The following TEK variants were observed in gnomAD, a reference collection of about 807,000 sequenced individuals.
The protein encoded by TEK is angiopoietin-1 receptor.
A neutral mutation model predicts 131.8 loss-of-function variants in TEK; 43 were observed. The observed-to-expected ratio is 0.33, with a 90% CI of 0.26 to 0.42. The LOEUF is 0.42. TEK is among the 10% of genes least tolerant of loss of function. TEK has a pLI of 1.00. For synonymous variants in TEK, 580 were observed against 491.6 expected (o/e 1.18, Z -2.38); for missense variants, 1,162 against 1,384.4 (o/e 0.84, Z 2.55).
At chr9:27,133,056 G>T (rs1279525757) in intron 1 of TEK, among the ~76,000 whole-genome samples, 1 of 152,186 alleles carries the variant, frequency 6.6e-6, no homozygotes, top group African/African-American at 2.4e-5. Context: ...GAGATCTCAT[G>T]GAAAGTAAAG....
intron 2 of TEK, among the ~76,000 whole-genome samples, chr9:27,167,676 A>G (rs531074089): frequency 2.6e-5 from 4 of 152,334 alleles, no homozygotes; most frequent in Admixed American, 6.5e-5. Context: ...TTATTCTTCA[A>G]TCTTCCAATA....
At chr9:27,130,514 CA>C in intron 1 of TEK, among the ~76,000 whole-genome samples, 1 of 151,318 alleles carries the variant, frequency 6.6e-6, no homozygotes, top group East Asian at 1.9e-4. Context: ...AACTAAAAAT[CA>C]GCACACTTGG....
intron 1 of TEK, among the ~76,000 whole-genome samples, chr9:27,138,360 T>TTTTTACAGAGAGCTGATTGGTCCA (rs1822584283): frequency 6.6e-6 from 1 of 150,728 alleles, no homozygotes; most frequent in Non-Finnish European, 1.5e-5. Flanking sequence ...TGATTGGTCC[T>TTTTTACAGAGAGCTGATTGGTCCA]TTTTACAGAG....
intron 1 of TEK, among the ~76,000 whole-genome samples, chr9:27,146,720 ATTTTTTTTTTTT>A (rs34727945): frequency 8.8e-6 from 1 of 113,692 alleles, no homozygotes; most frequent in East Asian, 2.5e-4. Context: ...TAAACATTCT[ATTTTTTTTTTTT>A]TTTTTTTTGG....
At chr9:27,167,896 G>T (rs1435740042) in intron 2 of TEK, among the ~76,000 whole-genome samples, 2 of 151,664 alleles carry the variant, frequency 1.3e-5, no homozygotes, top group African/African-American at 4.8e-5. Context: ...ACTTGGGATT[G>T]GAGAAGGATG....
intron 1 of TEK, among the ~76,000 whole-genome samples, chr9:27,147,148 C>A (rs1211668518): frequency 6.6e-6 from 1 of 152,184 alleles, no homozygotes; most frequent in Non-Finnish European, 1.5e-5. Flanking sequence ...CCAATTTCCA[C>A]AGTGGCTATA....
intron 1 of TEK, among the ~76,000 whole-genome samples, chr9:27,121,010 C>T (rs572969292): frequency 1.6e-4 from 25 of 152,306 alleles, no homozygotes; most frequent in Admixed American, 9.2e-4. Flanking sequence ...TACTAGCTGA[C>T]GAAGAAATGC....
At chr9:27,206,263 T>G (rs1825396461) in intron 14 of TEK, among the ~76,000 whole-genome samples, 1 of 152,184 alleles carries the variant, frequency 6.6e-6, no homozygotes, top group Non-Finnish European at 1.5e-5. Flanking sequence ...TTCACAACAC[T>G]GTAGGGAACT....
At chr9:27,180,687 G>A (rs1222034178) in intron 7 of TEK, among the ~76,000 whole-genome samples, 1 of 152,070 alleles carries the variant, frequency 6.6e-6, no homozygotes, top group Non-Finnish European at 1.5e-5. Flanking sequence ...CTGGACATGC[G>A]TAACAGAGAA....
intron 1 of TEK, among the ~76,000 whole-genome samples, chr9:27,142,682 C>T (rs1010644310): frequency 2.6e-5 from 4 of 152,222 alleles, no homozygotes; most frequent in African/African-American, 9.6e-5. Context: ...CCCAGTCAAA[C>T]AATGGATATG....
At chr9:27,176,422 G>A (rs1314160078) in intron 6 of TEK, among the ~76,000 whole-genome samples, 3 of 152,116 alleles carry the variant, frequency 2.0e-5, no homozygotes, top group African/African-American at 7.2e-5. Flanking sequence ...ATATTTTAAG[G>A]TCTTCTGCCA....
chr9:27,168,248 A>T (rs546920515), intron 2 of TEK, among the ~76,000 whole-genome samples: 1 of 152,236 alleles, frequency 6.6e-6, no homozygotes, highest in Non-Finnish European at 1.5e-5. Flanking sequence ...AAAATTGTGT[A>T]TAGGCATATT....
chr9:27,162,381 A>G (rs772928213), intron 2 of TEK, among the ~76,000 whole-genome samples: 1 of 152,226 alleles, frequency 6.6e-6, no homozygotes, highest in Admixed American at 6.5e-5. Flanking sequence ...GATTTTATCA[A>G]TGGCATCATC....
At chr9:27,198,756 C>T (rs186459689) in intron 12 of TEK, among the ~76,000 whole-genome samples, 2 of 152,340 alleles carry the variant, frequency 1.3e-5, no homozygotes, top group Non-Finnish European at 1.5e-5. Context: ...TCCCAAGAGA[C>T]AACCAAAATT....
chr9:27,225,876 T>A (rs1462771756), intron 21 of TEK, among the ~76,000 whole-genome samples: 1 of 152,024 alleles, frequency 6.6e-6, no homozygotes, highest in African/African-American at 2.4e-5. Context: ...ACAAAGCACT[T>A]CAACAAATTT....
At chr9:27,110,172 C>CTT (rs56159018) in intron 1 of TEK, among the ~76,000 whole-genome samples, 84,674 of 144,730 alleles carry the variant, frequency 0.59, 25,811 homozygotes, top group South Asian at 0.72. Flanking sequence ...AAATTGTAGG[C>CTT]TTTTTTTTTT....
chr9:27,145,292 A>G (rs1822872672), intron 1 of TEK, among the ~76,000 whole-genome samples: 1 of 152,196 alleles, frequency 6.6e-6, no homozygotes, highest in South Asian at 2.1e-4. Flanking sequence ...CTTGAAGGAA[A>G]CACAGGAACT....
At chr9:27,218,675 C>A in intron 19 of TEK, 102 bp from the exon 20 acceptor site, 2 of 1,200,636 alleles carry the variant, frequency 1.7e-6, no homozygotes, top group Non-Finnish European at 2.5e-6. Context: ...CATTTAACAT[C>A]TCCTTTTCTC....
At position 27,192,559 on chromosome 9, in the gene TEK, C is replaced by A; in HGVS notation, c.1560C>A (p.Val520=). The change falls in exon 11 of 23, where the codon GTC becomes GTA. Residue 520 remains valine (V), a synonymous_variant. Coordinates refer to ENST00000380036, the MANE Select transcript of TEK (RefSeq NM_000459.5). The part of the protein sequence containing the change: ...RTEYELCVQL[V]RRGEGGEGHP... ...AATATGAACTCTGTGTGCAACTGGT[C>A]CGTCGTGGAGAGGGTGGGGAAGGGC... The A allele has an allele frequency of 6.2e-7, 1 of 1,613,918 alleles. No homozygotes were observed. Among genetic ancestry groups the A allele is most frequent in the South Asian group, 1.1e-5 (1 of 91,066 alleles).
Sources: allele counts gnomAD v4.1 joint callset (sites outside exome capture counted in the v4.1 genomes callset), GRCh38; gene constraint gnomAD v4.1.1; transcripts MANE v1.5; gene names NCBI Gene and HGNC (gene_info 2026-07-23, HGNC 2026-07-21).